Variants in TGFBR2 observed in about 807,000 individuals in gnomAD.
TGFBR2 encodes transforming growth factor beta receptor 2, also known as TGF-beta receptor type-2.
In TGFBR2, 18 loss-of-function variants were observed where a neutral mutation model predicts 49.0. The observed-to-expected ratio is 0.37, with a 90% confidence interval of 0.25 to 0.54. The LOEUF (loss-of-function observed/expected upper bound fraction) is 0.54, where lower values mean the gene tolerates loss of function less well. TGFBR2 is among the 20% of genes least tolerant of loss of function. The pLI is 0.85. For missense variants in TGFBR2, 525 were observed against 722.6 expected, an observed-to-expected ratio of 0.73 and a Z score of 3.13; for synonymous variants, 282 against 275.9, an observed-to-expected ratio of 1.02 and a Z score of -0.22.
At chr3:30,649,133 A>T (rs1012886819) in intron 2 of TGFBR2, among the ~76,000 whole-genome samples, 1 of 152,198 alleles carries the variant, frequency 6.6e-6, no homozygotes, top group Non-Finnish European at 1.5e-5. Context: ...TTACTCTAGC[A>T]AAACTGACTG....
At chr3:30,689,953 C>T (rs1385405718) in intron 6 of TGFBR2, among the ~76,000 whole-genome samples, 1 of 152,074 alleles carries the variant, frequency 6.6e-6, no homozygotes, top group African/African-American at 2.4e-5. Flanking sequence ...ACTTGTGTAC[C>T]AACAATAGCA....
intron 1 of TGFBR2, among the ~76,000 whole-genome samples, chr3:30,641,799 A>G (rs9823731): frequency 0.66 from 97,669 of 147,638 alleles, 31,469 homozygotes; most frequent in African/African-American, 0.72. Context: ...AACATGTATT[A>G]TATCTCGCCA....
intron 3 of TGFBR2, among the ~76,000 whole-genome samples, chr3:30,668,558 T>C (rs1183109155): frequency 6.6e-6 from 1 of 151,968 alleles, no homozygotes; most frequent in African/African-American, 2.4e-5. Flanking sequence ...ACAGGGACAG[T>C]CCATACATCT....
chr3:30,649,461 A>G (rs1698840517), intron 2 of TGFBR2, among the ~76,000 whole-genome samples: 1 of 152,212 alleles, frequency 6.6e-6, no homozygotes, highest in Non-Finnish European at 1.5e-5. Flanking sequence ...TATGTGAGAA[A>G]TTCTCTGAGC....
intron 5 of TGFBR2, among the ~76,000 whole-genome samples, chr3:30,678,375 G>T (rs570020861): frequency 1.3e-5 from 2 of 151,776 alleles, no homozygotes; most frequent in African/African-American, 4.8e-5. Context: ...GTGAAACCCC[G>T]TCTCTACTAA....
At chr3:30,612,911 A>G (rs796745466) in intron 1 of TGFBR2, among the ~76,000 whole-genome samples, 21 of 152,262 alleles carry the variant, frequency 1.4e-4, no homozygotes, top group African/African-American at 5.1e-4. Flanking sequence ...TACTTGCCAC[A>G]GTCAGCTTTC....
chr3:30,652,078 T>C (rs140843574), intron 3 of TGFBR2, among the ~76,000 whole-genome samples: 1 of 152,242 alleles, frequency 6.6e-6, no homozygotes, highest in Admixed American at 6.5e-5. Flanking sequence ...ATTCTCCCTA[T>C]CTTCCTGTCC....
At chr3:30,636,600 TA>T (rs1399264576) in intron 1 of TGFBR2, among the ~76,000 whole-genome samples, 15 of 152,102 alleles carry the variant, frequency 9.9e-5, no homozygotes, top group South Asian at 2.1e-4. Flanking sequence ...GGGTATGAAA[TA>T]AAAAGTTGCT....
rs1699341292 is a variant in TGFBR2, at chr3:30,671,736, ATCT to A, written c.557_559del (p.Phe186del). The stretch of plus-strand genomic sequence containing the variant: ...GGGAGTTGCCATATCTGTCATCATC[ATCT>A]TCTACTGCTACCGCGTTAACCGGCA... On this transcript the variant is annotated inframe_deletion, in exon 4 of 7. Transcript: ENST00000295754. The A allele has an allele frequency of 6.2e-7, 1 of 1,614,076 alleles. No individual in the cohort carries two copies. Among genetic ancestry groups the A allele is most frequent in the Admixed American group, 1.7e-5 (1 of 60,000 alleles).
chr3:30,616,485 G>A (rs1429976098), intron 1 of TGFBR2, among the ~76,000 whole-genome samples: 2 of 152,104 alleles, frequency 1.3e-5, no homozygotes, highest in African/African-American at 2.4e-5. Flanking sequence ...AAAGACTAAG[G>A]TATGTTGTAC....
In TGFBR2 at chr3:30,672,092, C is replaced by T. The variant is rs2125435032; in HGVS notation, c.909C>T (p.Asn303=). The change falls in exon 4 of 7, where the codon AAC becomes AAT. Residue 303 remains asparagine, a synonymous_variant. Coordinates refer to ENST00000295754, the MANE Select transcript of TGFBR2 (RefSeq NM_003242.6). This position sits in a 1 kb window ranked among gnomAD's most constrained non-coding sequence, Gnocchi z 4.5. ...CAGACATCAATCTGAAGCATGAGAA[C>T]ATACTCCAGTTCCTGACGGCTGAGG... ...IFSDINLKHE[N]ILQFLTAEER... is the part of the protein sequence containing the mutation. 1 of 1,614,226 alleles carries T rather than the reference C, an allele frequency of 6.2e-7. No homozygotes were observed. Among genetic ancestry groups the T allele is most frequent in the Middle Eastern group, 1.6e-4 (1 of 6,062 alleles).
chr3:30,618,611 T>G (rs1312118794), intron 1 of TGFBR2, among the ~76,000 whole-genome samples: 1 of 152,192 alleles, frequency 6.6e-6, no homozygotes, highest in Non-Finnish European at 1.5e-5. Flanking sequence ...ACAGATTGCC[T>G]TGACATATGT....
intron 3 of TGFBR2, among the ~76,000 whole-genome samples, chr3:30,655,797 CAGT>C (rs1351092983): frequency 3.3e-5 from 5 of 152,220 alleles, no homozygotes; most frequent in Admixed American, 3.3e-4. Flanking sequence ...GGCTGGCACA[CAGT>C]AGGTGCATCC....
At position 30,691,633 on chromosome 3, in the gene TGFBR2, G is replaced by C; in HGVS notation, c.*34G>C. On this transcript the variant is annotated 3_prime_UTR_variant, in exon 7 of 7. Coordinates refer to ENST00000295754, the MANE Select transcript of TGFBR2 (RefSeq NM_003242.6). ...GGGCAGGCTGGGCCATGTCCAAAGA[G>C]GCTGCCCCTCTCACCAAAGAACAGA... 1 of 1,613,534 alleles carries C rather than the reference G, an allele frequency of 6.2e-7. No homozygotes were observed. The highest frequency in any genetic ancestry group is 1.1e-5 in the South Asian group (1 of 91,026).
In TGFBR2 at chr3:30,672,342, G is replaced by T. The variant is rs35766612; in HGVS notation, c.1159G>T (p.Val387Leu). The T allele has an allele frequency of 3.5e-4, 571 of 1,613,646 alleles. 1 individual carries two copies. The highest frequency in any genetic ancestry group is 6.3e-4 in the South Asian group (57 of 91,054). Residue 387 changes from valine to leucine, a missense_variant, in exon 4 of 7, where the codon GTG becomes TTG. Coordinates refer to ENST00000295754, the MANE Select transcript of TGFBR2 (RefSeq NM_003242.6). The surrounding 1 kb of genome is among the most constrained non-coding windows in gnomAD (Gnocchi z 4.5). ...GGACCTCAAGAGCTCCAATATCCTCGTGAAGAACGACCTAACCTGCTGCCT... is the reference window on the plus strand; with the variant it reads ...GGACCTCAAGAGCTCCAATATCCTCTTGAAGAACGACCTAACCTGCTGCCT... ...HRDLKSSNIL[V>L]KNDLTCCLCD...
chr3:30,671,003 AG>A (rs1173418583), intron 3 of TGFBR2, among the ~76,000 whole-genome samples: 2 of 152,248 alleles, frequency 1.3e-5, no homozygotes, highest in African/African-American at 4.8e-5. Flanking sequence ...AAAAGAGCAA[AG>A]ATTTTGGTGC....
At chr3:30,642,447 A>C (rs575632060) in intron 1 of TGFBR2, among the ~76,000 whole-genome samples, 1 of 152,350 alleles carries the variant, frequency 6.6e-6, no homozygotes, top group East Asian at 1.9e-4. Context: ...GTTACCTTCC[A>C]GAAAAATTAA....
rs1020398888 is a variant in TGFBR2, at chr3:30,607,031, C to G, written c.94+54C>G. The G allele has an allele frequency of 6.1e-6, 9 of 1,468,334 alleles. No individual in the cohort carries two copies. In the Middle Eastern group the frequency reaches 5.2e-4, roughly 85 times the overall value. 91.0% of individuals were successfully genotyped at this position (1,468,334 alleles called of 1,614,324 possible). The stretch of plus-strand genomic sequence containing the variant: ...GGGCGCCGGGGGTCTTCCTGGGGTC[C>G]CCGCCTCTCCGCTGCGCTTGACAGT... On this transcript the variant is annotated intron_variant, in intron 1 of 6. Coordinates refer to ENST00000295754, the MANE Select transcript of TGFBR2 (RefSeq NM_003242.6).
chr3:30,674,792 G>A (rs1699406031), intron 5 of TGFBR2, among the ~76,000 whole-genome samples: 1 of 152,084 alleles, frequency 6.6e-6, no homozygotes, highest in South Asian at 2.1e-4. Flanking sequence ...TACTGCTTAA[G>A]CCTGCAAGAC....
Sources: gnomAD v4.1 joint callset for allele counts (sites outside exome capture counted in the v4.1 genomes callset) on GRCh38, gnomAD v4.1.1 for gene constraint, Gnocchi (gnomAD v3.1) non-coding constraint, MANE v1.5 for transcripts, NCBI Gene and HGNC (gene_info 2026-07-23, HGNC 2026-07-21) for gene names.